The following TEX14 variants were observed in gnomAD, a reference collection of about 807,000 sequenced individuals.
The protein encoded by TEX14 is testis expressed 14, intercellular bridge forming factor, also known as inactive serine/threonine-protein kinase TEX14.
A neutral mutation model predicts 178.6 loss-of-function variants in TEX14; 168 were observed. The observed-to-expected ratio is 0.94, with a 90% CI of 0.83 to 1.07. The LOEUF is 1.07. Among genes scored for constraint, TEX14 ranks in the 50% least tolerant of loss-of-function variants. The pLI is 0.00. For missense variants in TEX14, 1,730 were observed against 1,753.6 expected, an observed-to-expected ratio of 0.99 and a Z score of 0.24; for synonymous variants, 626 against 634.1, an observed-to-expected ratio of 0.99 and a Z score of 0.19.
intron 2 of TEX14, among the ~76,000 whole-genome samples, chr17:58,649,171 C>A (rs1177864374): frequency 6.6e-6 from 1 of 151,500 alleles, no homozygotes; most frequent in Non-Finnish European, 1.5e-5. Flanking sequence ...CCTCCGCCTC[C>A]CAGGTTCAAG....
At chr17:58,557,677 A>T (rs1351929160) in intron 31 of TEX14, 122 bp downstream of exon 31, 2 of 744,376 alleles carry the variant, frequency 2.7e-6, no homozygotes, top group African/African-American at 3.5e-5. Context: ...AAATTAAGCA[A>T]CTTTGTCTAA....
In TEX14 at chr17:58,651,986, G is replaced by A. The variant is rs73996251; in HGVS notation, c.16C>T (p.Arg6Cys). The stretch of plus-strand genomic sequence containing the variant: ...TGAACAGGACAGGGGACTGGAAGAC[G>A]AACAGCCCGAGACATCCTGTTCCAA... MSRAV[R>C]LPVPCPVQLG... The change falls in exon 2 of 32, where the codon CGT (arginine) becomes TGT (cysteine). Residue 6 changes from arginine (R) to cysteine (C), a missense_variant. Coordinates refer to ENST00000349033, the MANE Select transcript of TEX14 (RefSeq NM_031272.5). 175 of 1,592,426 alleles carry A rather than the reference G, an allele frequency of 1.1e-4. No homozygotes were observed. Among genetic ancestry groups the A allele is most frequent in the Non-Finnish European group, 1.4e-4 (167 of 1,172,230 alleles).
intron 8 of TEX14, among the ~76,000 whole-genome samples, chr17:58,614,957 A>G (rs974843096): frequency 6.6e-6 from 1 of 152,244 alleles, no homozygotes; most frequent in South Asian, 2.1e-4. Context: ...AAGGGCCTGC[A>G]TGGAGGCTGC....
In TEX14 at chr17:58,638,368, A is replaced by T. The variant is rs1027726583; in HGVS notation, c.137-7814T>A. On this transcript the variant is annotated intron_variant, in intron 2 of 31. Coordinates refer to ENST00000349033, the MANE Select transcript of TEX14 (RefSeq NM_031272.5). ...TACTACAATAAATTAAAAAAAAAAA[A>T]TTTAATGCAGAAATAGCACAATTTG... Among the ~76,000 whole-genome samples, 16 of 144,116 alleles carry T rather than the reference A, an allele frequency of 1.1e-4. No individual in the cohort carries two copies. In the South Asian group the frequency reaches 2.0e-3, roughly 18 times the overall value. The allele number at this position is 144,116 out of a possible 152,430, so 94.5% of individuals were successfully genotyped here. A position where few individuals can be genotyped will look rare whatever the true frequency, so the allele number is the denominator to read the frequency against.
chr17:58,606,572 T>C (rs113525291), intron 10 of TEX14, among the ~76,000 whole-genome samples: 127 of 152,278 alleles, frequency 8.3e-4, no homozygotes, highest in Non-Finnish European at 1.5e-3. Flanking sequence ...ACTTTAGTTA[T>C]ATTGCTGAAA....
Position 58,559,559 on chromosome 17 carries a change from C to T in TEX14, c.4161G>A (p.Glu1387=). The T allele has an allele frequency of 6.9e-7, 1 of 1,448,158 alleles. No homozygotes were observed. Among genetic ancestry groups the T allele is most frequent in the Non-Finnish European group, 9.7e-7 (1 of 1,032,262 alleles). The allele number at this position is 1,448,158 out of a possible 1,614,324, so 89.7% of individuals were successfully genotyped here. A position where few individuals can be genotyped will look rare whatever the true frequency, so the allele number is the denominator to read the frequency against. ...LQDLPKGSER[E]TNIKDQKVGE... ...CAACTTTTTGATCTTTGATATTTGT[C>T]TCCCTGTAACAACAATTATTTGGGG... Residue 1387 remains glutamate, a synonymous_variant, in exon 30 of 32, where the codon GAG becomes GAA. Coordinates refer to ENST00000349033, the MANE Select transcript of TEX14 (RefSeq NM_031272.5).
rs778594033 is a variant in TEX14 at position 58,661,010 on chromosome 17, A to T, written c.-1-9008T>A. On this transcript the variant is annotated intron_variant, in intron 1 of 31. Coordinates refer to ENST00000349033, the MANE Select transcript of TEX14 (RefSeq NM_031272.5). ...GATATCAATCCACCTCTGAAGGTGA[A>T]GAAGATAATATTCACGAACACGCTC... The T allele has an allele frequency of 6.0e-6, 7 of 1,169,046 alleles. No homozygotes were observed. In the South Asian group the frequency reaches 8.5e-5, roughly 14 times the overall value. The allele number at this position is 1,169,046 out of a possible 1,614,324, so 72.4% of individuals were successfully genotyped here.
chr17:58,684,230 G>C (rs1739098150), intron 1 of TEX14, among the ~76,000 whole-genome samples: 1 of 151,850 alleles, frequency 6.6e-6, no homozygotes. Context: ...GGGAGGCCTT[G>C]GCGGGTGGAT....
intron 20 of TEX14, 92 bp downstream of exon 20, chr17:58,579,573 C>G: frequency 1.8e-6 from 2 of 1,109,742 alleles, no homozygotes; most frequent in Non-Finnish European, 2.7e-6. Flanking sequence ...GAGGCTGTCC[C>G]TCAGGATCCC....
rs778991945 is a variant in TEX14, at chr17:58,651,895, T to C, written c.107A>G (p.Tyr36Cys). The change falls in exon 2 of 32, where the codon TAT becomes TGT. Residue 36 changes from tyrosine to cysteine, a missense_variant. Physicochemically the swap from Tyr to Cys is radical, Grantham distance 194. Around this residue, in one of 2 missense-constraint regions of TEX14, gnomAD observed 789 missense variants for 681.2 expected, o/e 1.16. Transcript: ENST00000349033. ...QLHEYVKQGN[Y>C]VKVKKILKKG... ...CTTAAGAATTTTCTTCACTTTCACA[T>C]AGTTCCCTTGTTTGACATACTCATG... 9.3e-6 allele frequency: 15 copies of C among 1,610,256 alleles called. No individual in the cohort carries two copies. The highest frequency in any genetic ancestry group is 1.7e-4 in the Middle Eastern group (1 of 6,038).
At chr17:58,658,738 T>C (rs1371375890) in intron 1 of TEX14, among the ~76,000 whole-genome samples, 1 of 152,070 alleles carries the variant, frequency 6.6e-6, no homozygotes, top group African/African-American at 2.4e-5. Context: ...TAAATTTATC[T>C]GCACAGAAAA....
chr17:58,578,801 G>A (rs766944139), intron 20 of TEX14, among the ~76,000 whole-genome samples: 3 of 152,226 alleles, frequency 2.0e-5, no homozygotes, highest in Non-Finnish European at 4.4e-5. Context: ...AAAGCTTACA[G>A]CTTCTTAAAA....
At chr17:58,630,407 C>G in intron 3 of TEX14, 33 bp downstream of exon 3, 1 of 1,484,116 alleles carries the variant, frequency 6.7e-7, no homozygotes, top group Non-Finnish European at 9.4e-7. Flanking sequence ...AGCACAACCC[C>G]TATTTTCTAG....
chr17:58,643,946 GC>G (rs1034860505), intron 2 of TEX14, among the ~76,000 whole-genome samples: 12 of 71,924 alleles, frequency 1.7e-4, no homozygotes, highest in South Asian at 9.5e-4. Context: ...TTTCTCCCCC[GC>G]CCCCCCCAAA....
chr17:58,573,328 CAG>C lies in TEX14; in HGVS notation c.3384-22_3384-21del, dbSNP rs1567713808. On this transcript the variant is annotated intron_variant, in intron 22 of 31. Coordinates refer to ENST00000349033, the MANE Select transcript of TEX14 (RefSeq NM_031272.5). ...AATGATCTAAAGAATTAAGAGCACA[CAG>C]TAATGATGAGAAGATGACTAGAAAA... 18 of 1,610,578 alleles carry C rather than the reference CAG, an allele frequency of 1.1e-5. No individual in the cohort carries two copies. The highest frequency in any genetic ancestry group is 1.5e-5 in the Non-Finnish European group (18 of 1,177,510).
Position 58,621,720 on chromosome 17 carries a change from G to C in TEX14, c.484C>G (p.Leu162Val). 1 of 1,614,222 alleles carries C rather than the reference G, an allele frequency of 6.2e-7. No individual in the cohort carries two copies. The highest frequency in any genetic ancestry group is 1.6e-4 in the Middle Eastern group (1 of 6,062). The change falls in exon 5 of 32, where the codon CTC becomes GTC. Residue 162 changes from leucine (L) to valine (V), a missense_variant. By Grantham distance (32) the Leu-to-Val change is conservative (BLOSUM62 1). This residue lies in a region of TEX14 where 789 missense variants were observed against 681.2 expected (regional missense o/e 1.16). Transcript: ENST00000349033. ...QAIIQGFSYD[L>V]LKKIDSPQRL... Reference sequence around the variant, plus strand: ...TGCGGGGAGTCTATCTTCTTCAGGAGGTCGTAAGAGAAGCCCTGGATGATG... The same window carrying C: ...TGCGGGGAGTCTATCTTCTTCAGGACGTCGTAAGAGAAGCCCTGGATGATG...
At chr17:58,571,235 CTTT>C (rs11456555) in intron 24 of TEX14, among the ~76,000 whole-genome samples, 1 of 127,256 alleles carries the variant, frequency 7.9e-6, no homozygotes. Context: ...CTTTTCTTTT[CTTT>C]TTTTTTTTTT....
Position 58,623,008 on chromosome 17 carries a change from A to G in TEX14, c.256T>C (p.Cys86Arg), listed in dbSNP as rs1172774465. ...VDYGSDPNHR[C>R]FDGSTPVHAA... ...TGGACAGGGGTGCTCCCATCAAAGC[A>G]GCGGCTGGGGAGGGAGATGAGTACA... The change falls in exon 4 of 32, where the codon TGC becomes CGC. Residue 86 changes from cysteine (C) to arginine (R), a missense_variant. Cys to Arg is a radical substitution (Grantham distance 180). Around this residue, in one of 2 missense-constraint regions of TEX14, gnomAD observed 789 missense variants for 681.2 expected, o/e 1.16. Transcript: ENST00000349033. 1 of 1,589,948 alleles carries G rather than the reference A, an allele frequency of 6.3e-7. No individual in the cohort carries two copies. The highest frequency in any genetic ancestry group is 8.6e-7 in the Non-Finnish European group (1 of 1,159,938).
chr17:58,620,470 T>C (rs945974693), intron 5 of TEX14, among the ~76,000 whole-genome samples: 3 of 151,924 alleles, frequency 2.0e-5, no homozygotes, highest in Non-Finnish European at 4.4e-5. Flanking sequence ...GCTGGAACTA[T>C]GAGGAGCACA....
Sources: allele counts gnomAD v4.1 joint callset (sites outside exome capture counted in the v4.1 genomes callset), GRCh38; gene constraint gnomAD v4.1.1; regional missense constraint gnomAD v4.1.1; transcripts MANE v1.5; gene names NCBI Gene and HGNC (gene_info 2026-07-23, HGNC 2026-07-21).